Variants in MGAT4C observed in about 807,000 individuals in gnomAD.
MGAT4C encodes the protein alpha-1,3-mannosyl-glycoprotein 4-beta-N-acetylglucosaminyltransferase C.
In MGAT4C, 19 loss-of-function variants were observed where a neutral mutation model predicts 40.1. The observed-to-expected ratio is 0.47, with a 90% confidence interval of 0.33 to 0.70. The LOEUF (loss-of-function observed/expected upper bound fraction) is 0.70. Ranked by LOEUF, MGAT4C falls within the 30% of genes least tolerant of loss-of-function variation. MGAT4C has a pLI of 0.02. For synonymous variants in MGAT4C, 181 were observed against 187.1 expected (o/e 0.97, Z 0.27); for missense variants, 491 against 563.2 (o/e 0.87, Z 1.30).
At position 85,968,737 on chromosome 12, in the gene MGAT4C, A is replaced by G. The variant is rs566748954; in HGVS notation, c.*10552T>C. ...ATTTTAAAAGTATGCTGATGCCTGG[A>G]AACTCCAGAACAATTATGATAACTC... On this transcript the variant is annotated 3_prime_UTR_variant, in exon 5 of 5. Coordinates refer to ENST00000611864, the MANE Select transcript of MGAT4C (RefSeq NM_001351288.2). 1.5e-4 allele frequency: 23 copies of G among 152,026 alleles called. No homozygotes were observed. Among genetic ancestry groups the G allele is most frequent in the Admixed American group, 1.3e-3 (20 of 15,232 alleles). 9.4% of individuals were successfully genotyped at this position (152,026 alleles called of 1,614,324 possible).
chr12:86,449,491 A>T (rs909569306), intron 2 of MGAT4C, among the ~76,000 whole-genome samples: 19 of 152,102 alleles, frequency 1.2e-4, no homozygotes, highest in African/African-American at 3.9e-4. Flanking sequence ...AAGCTAACAC[A>T]TTCATTGAGA....
Position 85,979,527 on chromosome 12 carries a change from T to A in MGAT4C, c.1199A>T (p.Asp400Val), listed in dbSNP as rs1232995200. ...ATGATGCAAAATATCATTTTGCCGA[T>A]CTTCTGTTCCAGTATTTACTTTAAT... ...KKIKVNTGTE[D>V]RQNDILHHGA... is the part of the protein sequence containing the mutation. The change falls in exon 5 of 5, where the codon GAT becomes GTT. Residue 400 changes from aspartate (D) to valine (V), a missense_variant. By Grantham distance (152) the Asp-to-Val change is radical (BLOSUM62 -3). Coordinates refer to ENST00000611864, the MANE Select transcript of MGAT4C (RefSeq NM_001351288.2). The A allele has an allele frequency of 1.2e-6, 2 of 1,612,170 alleles. No homozygotes were observed. The highest frequency in any genetic ancestry group is 1.7e-5 in the Admixed American group (1 of 59,892).
rs374347950 is a variant in MGAT4C at position 86,435,398 on chromosome 12, T to C, written c.-228-133A>G. The C allele has an allele frequency of 1.6e-4, 25 of 152,048 alleles. 1 individual carries two copies. The East Asian group carries it at 3.9e-3, about 23-fold the overall frequency. The allele number at this position is 152,048 out of a possible 1,614,324, so 9.4% of individuals were successfully genotyped here. A position where few individuals can be genotyped will look rare whatever the true frequency, so the allele number is the denominator to read the frequency against. ...CAAACAAGCCCATTACATTTCTACT[T>C]TCAATACAAGCTGTTTGGTTTCTCT... On this transcript the variant is annotated intron_variant, in intron 2 of 7. Transcript: ENST00000548651.
chr12:86,232,549 A>G (rs1951365390), intron 1 of MGAT4C, among the ~76,000 whole-genome samples: 1 of 152,170 alleles, frequency 6.6e-6, no homozygotes, highest in African/African-American at 2.4e-5. Context: ...GTAATTTTTC[A>G]GATAAATATG....
chr12:86,493,985 A>T (rs553028207), intron 2 of MGAT4C, among the ~76,000 whole-genome samples: 30 of 151,936 alleles, frequency 2.0e-4, no homozygotes, highest in Non-Finnish European at 3.4e-4. Context: ...ATTGAGTTAC[A>T]TGGGACATAC....
At chr12:86,743,888 AGTAGTATGAACGTTG>A (rs1394094938) in intron 1 of MGAT4C, among the ~76,000 whole-genome samples, 1 of 151,590 alleles carries the variant, frequency 6.6e-6, no homozygotes, top group Non-Finnish European at 1.5e-5. Context: ...TTAAGTATTA[AGTAGTATGAACGTTG>A]GTATCAGCAG....
intron 2 of MGAT4C, among the ~76,000 whole-genome samples, chr12:85,991,316 G>A (rs189442653): frequency 6.6e-6 from 1 of 152,296 alleles, no homozygotes; most frequent in East Asian, 1.9e-4. Flanking sequence ...TCAGAGAGGA[G>A]GAAGCGCATG....
intron 1 of MGAT4C, among the ~76,000 whole-genome samples, chr12:86,780,766 A>C (rs1951825317): frequency 6.6e-6 from 1 of 152,138 alleles, no homozygotes; most frequent in African/African-American, 2.4e-5. Flanking sequence ...CAAATAATGC[A>C]CACTGTACCC....
Position 86,532,398 on chromosome 12 carries a change from T to G in MGAT4C, c.-228-97133A>C, listed in dbSNP as rs537647366. Among the ~76,000 whole-genome samples the G allele has an allele frequency of 5.9e-5, 9 of 152,154 alleles. No homozygotes were observed. The South Asian group carries it at 1.9e-3, about 32-fold the overall frequency. On this transcript the variant is annotated intron_variant, in intron 2 of 7. Coordinates refer to the MGAT4C transcript ENST00000548651. ...CAGAATAAAATGCTCTAAGAAATTT[T>G]TAACTAAAGACAAAGTAGGTTTTTC...
At chr12:86,021,505 G>C (rs566381688) in intron 2 of MGAT4C, among the ~76,000 whole-genome samples, 1 of 147,510 alleles carries the variant, frequency 6.8e-6, no homozygotes, top group Non-Finnish European at 1.5e-5. Flanking sequence ...ACCAAACACC[G>C]CATGTTCTTA....
chr12:86,817,352 A>T (rs1952626186), intron 1 of MGAT4C, among the ~76,000 whole-genome samples: 1 of 151,440 alleles, frequency 6.6e-6, no homozygotes, highest in Non-Finnish European at 1.5e-5. Context: ...TTGTTTTTAC[A>T]TTGTAATTTA....
intron 2 of MGAT4C, among the ~76,000 whole-genome samples, chr12:86,532,243 T>A (rs1183408191): frequency 6.6e-6 from 1 of 151,996 alleles, no homozygotes; most frequent in African/African-American, 2.4e-5. Context: ...ATCTGTGGAT[T>A]CATACATATA....
rs1187319940 is a variant in MGAT4C, at chr12:86,355,104, G to C, written c.-119-20977C>G. ...GTGCTGATTGGTGCGTTTTTACAGAGCACTGATTGGTGCATTTTACAAACC... is the reference window on the plus strand; with the variant it reads ...GTGCTGATTGGTGCGTTTTTACAGACCACTGATTGGTGCATTTTACAAACC... On this transcript the variant is annotated intron_variant, in intron 3 of 7. Transcript: ENST00000548651. 3.9e-5 allele frequency among the ~76,000 whole-genome samples: 6 copies of C among 152,244 alleles called. No individual in the cohort carries two copies. In the South Asian group the frequency reaches 8.3e-4, roughly 21 times the overall value.
At chr12:86,356,966 C>G (rs1955328759) in intron 3 of MGAT4C, among the ~76,000 whole-genome samples, 1 of 152,156 alleles carries the variant, frequency 6.6e-6, no homozygotes, top group Admixed American at 6.6e-5. Context: ...CAGCTCTGAA[C>G]AGAGTAGTGG....
chr12:86,346,154 G>A (rs1240653815), intron 3 of MGAT4C, among the ~76,000 whole-genome samples: 3 of 152,142 alleles, frequency 2.0e-5, no homozygotes, highest in African/African-American at 7.2e-5. Flanking sequence ...ATAATATGCA[G>A]CATCAGAAGA....
At chr12:86,796,629 T>C (rs1376070958) in intron 1 of MGAT4C, among the ~76,000 whole-genome samples, 1 of 151,970 alleles carries the variant, frequency 6.6e-6, no homozygotes, top group Non-Finnish European at 1.5e-5. Flanking sequence ...ATGGTGACTA[T>C]AGTTAACAAT....
At chr12:86,295,114 T>C (rs1464370411) in intron 4 of MGAT4C, among the ~76,000 whole-genome samples, 1 of 152,192 alleles carries the variant, frequency 6.6e-6, no homozygotes, top group African/African-American at 2.4e-5. Flanking sequence ...AACTACTTAT[T>C]ATTTTATTCA....
chr12:86,623,997 T>G (rs2136492995), intron 2 of MGAT4C, among the ~76,000 whole-genome samples: 1 of 152,314 alleles, frequency 6.6e-6, no homozygotes, highest in South Asian at 2.1e-4. Flanking sequence ...GAATTTTCAC[T>G]ATTTGACCTG....
chr12:86,570,182 G>A (rs1960303723), intron 2 of MGAT4C, among the ~76,000 whole-genome samples: 1 of 152,038 alleles, frequency 6.6e-6, no homozygotes, highest in Admixed American at 6.6e-5. Context: ...AGCTAAAAGA[G>A]TAGATTTTAT....
Sources: allele counts gnomAD v4.1 joint callset (sites outside exome capture counted in the v4.1 genomes callset), GRCh38; gene constraint gnomAD v4.1.1; transcripts MANE v1.5; gene names NCBI Gene and HGNC (gene_info 2026-07-23, HGNC 2026-07-21).